The following CBLB variants were observed in gnomAD, a reference collection of about 807,000 sequenced individuals.
CBLB encodes the protein E3 ubiquitin-protein ligase CBL-B.
CBLB carries 31 observed loss-of-function variants against 104.9 expected under a neutral mutation model. The ratio of observed to expected loss-of-function variants is 0.30; its 90% CI spans 0.22 to 0.40. CBLB has a LOEUF of 0.40. Among genes scored for constraint, CBLB ranks in the 10% least tolerant of loss-of-function variants. The pLI, the probability that CBLB is intolerant of heterozygous loss-of-function variation, is 1.00. For missense variants in CBLB, 1,062 were observed against 1,214.6 expected, an observed-to-expected ratio of 0.87 and a Z score of 1.87; for synonymous variants, 440 against 422.6, an observed-to-expected ratio of 1.04 and a Z score of -0.51.
chr3:105,670,104 T>C (rs2064906515), intron 18 of CBLB, 129 bp downstream of exon 18: 2 of 828,970 alleles, frequency 2.4e-6, no homozygotes, highest in Non-Finnish European at 3.9e-6. Flanking sequence ...CAAAATGCAA[T>C]GATGATCAAA....
chr3:105,855,701 AT>A (rs2091517935), intron 2 of CBLB, among the ~76,000 whole-genome samples: 1 of 152,198 alleles, frequency 6.6e-6, no homozygotes. Context: ...ACGGAAGATA[AT>A]CAAAGTATAA....
intron 3 of CBLB, among the ~76,000 whole-genome samples, chr3:105,796,044 T>C (rs1161127238): frequency 6.6e-6 from 1 of 152,056 alleles, no homozygotes; most frequent in Non-Finnish European, 1.5e-5. Flanking sequence ...TTTTAAAAAT[T>C]TATCTTCCTT....
At chr3:105,725,864 CTT>C (rs1339706143) in intron 9 of CBLB, among the ~76,000 whole-genome samples, 7 of 145,588 alleles carry the variant, frequency 4.8e-5, no homozygotes, top group African/African-American at 1.2e-4. Flanking sequence ...TTTTTTTACT[CTT>C]TGAGACAGAA....
At chr3:105,821,813 G>A (rs1465917733) in intron 3 of CBLB, among the ~76,000 whole-genome samples, 2 of 152,078 alleles carry the variant, frequency 1.3e-5, no homozygotes, top group Non-Finnish European at 1.5e-5. Flanking sequence ...TCCTACCTCA[G>A]AGGAAGAAAC....
chr3:105,861,844 C>A (rs1345537211), intron 2 of CBLB, among the ~76,000 whole-genome samples: 3 of 152,034 alleles, frequency 2.0e-5, no homozygotes, highest in Non-Finnish European at 4.4e-5. Context: ...TAATCTCACC[C>A]CATCACATAA....
chr3:105,780,042 G>A (rs920754262), intron 3 of CBLB, among the ~76,000 whole-genome samples: 4 of 151,836 alleles, frequency 2.6e-5, no homozygotes, highest in African/African-American at 9.7e-5. Context: ...TAGTAGAGAC[G>A]GGGTTTCACC....
chr3:105,824,675 T>C (rs1271327148), intron 3 of CBLB, among the ~76,000 whole-genome samples: 2 of 152,112 alleles, frequency 1.3e-5, no homozygotes, highest in Admixed American at 6.6e-5. Context: ...ATACGATTTT[T>C]ATGCCAACTG....
intron 5 of CBLB, among the ~76,000 whole-genome samples, chr3:105,747,480 C>G (rs2076221871): frequency 6.6e-6 from 1 of 151,940 alleles, no homozygotes; most frequent in Non-Finnish European, 1.5e-5. Context: ...GTTTTTTAGC[C>G]TTTTTCAACA....
Position 105,742,278 on chromosome 3 carries a change from G to C in CBLB, c.846-1647C>G, listed in dbSNP as rs2075680920. Among the ~76,000 whole-genome samples, 5 of 152,260 alleles carry C rather than the reference G, an allele frequency of 3.3e-5. No individual in the cohort carries two copies. In the South Asian group the frequency reaches 8.3e-4, roughly 25 times the overall value. Reference sequence around the variant, plus strand: ...TATACTTTAGTCATTGATAGACCAAGCACTATAAATGTAACTTGAAAGATA... The same window carrying C: ...TATACTTTAGTCATTGATAGACCAACCACTATAAATGTAACTTGAAAGATA... On this transcript the variant is annotated intron_variant, in intron 6 of 18. Transcript: ENST00000394030.
intron 3 of CBLB, among the ~76,000 whole-genome samples, chr3:105,807,092 A>G (rs934038760): frequency 3.9e-5 from 6 of 152,234 alleles, no homozygotes; most frequent in African/African-American, 9.6e-5. Context: ...AGTACGTTGA[A>G]CAGTACATCA....
At chr3:105,844,477 C>T (rs2089987710) in intron 3 of CBLB, among the ~76,000 whole-genome samples, 1 of 152,136 alleles carries the variant, frequency 6.6e-6, no homozygotes, top group Non-Finnish European at 1.5e-5. Context: ...TTCCACTGAA[C>T]AACAGAGCCT....
intron 18 of CBLB, among the ~76,000 whole-genome samples, chr3:105,661,402 CTA>C (rs1476348978): frequency 6.6e-6 from 1 of 152,058 alleles, no homozygotes; most frequent in African/African-American, 2.4e-5. Flanking sequence ...ATTTTCAAAA[CTA>C]TTAGAAATTA....
intron 3 of CBLB, among the ~76,000 whole-genome samples, chr3:105,797,082 G>C (rs1046160230): frequency 2.0e-5 from 3 of 152,144 alleles, no homozygotes; most frequent in African/African-American, 7.2e-5. Flanking sequence ...TTCCATTATT[G>C]TGTATATACC....
chr3:105,703,956 T>C, intron 11 of CBLB, 32 bp downstream of exon 11: 1 of 1,594,226 alleles, frequency 6.3e-7, no homozygotes, highest in East Asian at 2.2e-5. Context: ...CTTACAAAAT[T>C]TTCATCTGTG....
chr3:105,714,139 G>A (rs561662225), intron 10 of CBLB, among the ~76,000 whole-genome samples: 49 of 152,162 alleles, frequency 3.2e-4, no homozygotes, highest in African/African-American at 1.2e-3. Context: ...ACGTAAAAAG[G>A]CAACATCCTC....
At chr3:105,693,808 T>C (rs1314516467) in intron 12 of CBLB, among the ~76,000 whole-genome samples, 3 of 152,016 alleles carry the variant, frequency 2.0e-5, no homozygotes, top group Non-Finnish European at 2.9e-5. Context: ...TACACCATGA[T>C]TCTTAAACAC....
chr3:105,838,890 A>G (rs1472907833), intron 3 of CBLB, among the ~76,000 whole-genome samples: 1 of 152,128 alleles, frequency 6.6e-6, no homozygotes, highest in Non-Finnish European at 1.5e-5. Context: ...TGCTGGGATT[A>G]CAGGCATGAG....
intron 3 of CBLB, among the ~76,000 whole-genome samples, chr3:105,825,502 G>A (rs994260372): frequency 6.6e-6 from 1 of 152,152 alleles, no homozygotes. Context: ...TATAGGAGAG[G>A]AGTCAGGCTC....
chr3:105,797,977 C>G (rs2082421980), intron 3 of CBLB, among the ~76,000 whole-genome samples: 1 of 152,184 alleles, frequency 6.6e-6, no homozygotes, highest in Non-Finnish European at 1.5e-5. Flanking sequence ...CTGCAAGGGC[C>G]AGTCACTGAG....
Sources: allele counts gnomAD v4.1 joint callset (sites outside exome capture counted in the v4.1 genomes callset), GRCh38; gene constraint gnomAD v4.1.1; transcripts MANE v1.5; gene names NCBI Gene and HGNC (gene_info 2026-07-23, HGNC 2026-07-21).